Variants in DCDC2C observed in about 807,000 individuals in gnomAD.
The protein encoded by DCDC2C is doublecortin domain containing 2C.
Under a neutral mutation model 45.0 loss-of-function variants are expected in DCDC2C, and 44 were observed. That is an observed-to-expected ratio of 0.98 (90% CI 0.77 to 1.26). The LOEUF is 1.26. Among genes scored for constraint, DCDC2C ranks in the 50% most tolerant of loss-of-function variants. The pLI, the probability that DCDC2C is intolerant of heterozygous loss-of-function variation, is 0.00. For missense variants in DCDC2C, 447 were observed against 468.9 expected, an observed-to-expected ratio of 0.95 and a Z score of 0.43; for synonymous variants, 187 against 178.8, an observed-to-expected ratio of 1.05 and a Z score of -0.37.
rs1671605971 is a variant in DCDC2C, at chr2:3,818,390, G to A, written c.1066-28764G>A. On this transcript the variant is annotated intron_variant, in intron 10 of 10. Transcript: ENST00000399143. This position sits in a 1 kb window ranked among gnomAD's most constrained non-coding sequence, Gnocchi z 4.7. ...GAAAGCATATTTGAGATCCTGAACA[G>A]AATAATGGGTTATGGAGGGGTTGTG... Among the ~76,000 whole-genome samples the A allele has an allele frequency of 6.6e-6, 1 of 152,124 alleles. No individual in the cohort carries two copies. Among genetic ancestry groups the A allele is most frequent in the Non-Finnish European group, 1.5e-5 (1 of 68,028 alleles).
Position 3,727,047 on chromosome 2 carries a change from G to A in DCDC2C, c.384G>A (p.Trp128Ter), listed in dbSNP as rs139092416. 5.0e-4 allele frequency: 776 copies of A among 1,550,320 alleles called. 3 individuals are homozygous for A. The African/African-American group carries it at 9.9e-3, about 20-fold the overall frequency. Residue 128 changes from tryptophan to a stop codon, truncating the protein, a stop_gained, in exon 3 of 11, where the codon TGG becomes TGA. Transcript: ENST00000399143. LOFTEE classifies it high-confidence loss of function. Reference protein sequence around the residue: ...VHCDINVPSKWQTYHRISRHI... With the variant: ...VHCDINVPSK ...GTGATATAAATGTGCCTTCCAAGTG[G>A]CAAACATATCATCGTATATCTCGAC...
intron 3 of DCDC2C, among the ~76,000 whole-genome samples, chr2:3,733,159 C>G (rs1230953130): frequency 1.3e-5 from 2 of 152,262 alleles, no homozygotes; most frequent in East Asian, 3.9e-4. Flanking sequence ...GACATATTGG[C>G]TGCTGGGCCT....
At chr2:3,798,288 G>A (rs1235820173) in intron 10 of DCDC2C, among the ~76,000 whole-genome samples, 1 of 151,752 alleles carries the variant, frequency 6.6e-6, no homozygotes, top group Admixed American at 6.6e-5. Flanking sequence ...TGGGTTTCCT[G>A]AATACAGCAC....
At chr2:3,708,474 C>G in intron 1 of DCDC2C, 75 bp from the exon 2 acceptor site, 2 of 1,185,462 alleles carry the variant, frequency 1.7e-6, no homozygotes, top group Non-Finnish European at 2.3e-6. Flanking sequence ...GAAAAGGACT[C>G]GTTTCTAAGG....
intron 9 of DCDC2C, among the ~76,000 whole-genome samples, chr2:3,784,177 G>T (rs1056875210): frequency 6.6e-6 from 1 of 152,016 alleles, no homozygotes; most frequent in Admixed American, 6.5e-5. Context: ...TCCAGATTAG[G>T]GATTTGTTTT....
intron 3 of DCDC2C, among the ~76,000 whole-genome samples, chr2:3,737,264 T>C (rs996876701): frequency 1.3e-5 from 2 of 152,198 alleles, no homozygotes; most frequent in African/African-American, 2.4e-5. Flanking sequence ...AGTTCAAATG[T>C]GGAGAACTTT....
Position 3,752,798 on chromosome 2 carries a change from C to G in DCDC2C, c.581C>G (p.Ser194Ter), listed in dbSNP as rs199703744. 7.1e-4 allele frequency: 1,096 copies of G among 1,550,438 alleles called. 19 individuals carry two copies. In the South Asian group the frequency reaches 0.012, roughly 17 times the overall value. ...ATGAATGGGCATCTTTTGGGCGACT[C>G]AAAGGATTTGCAAGACAATCACTTT... ...FTMNGHLLGD[S>*]KDLQDNHFYV... The change falls in exon 5 of 11, where the codon TCA becomes TGA. Residue 194 changes from serine (S) to a stop codon, truncating the protein, a stop_gained. Coordinates refer to ENST00000399143, the MANE Select transcript of DCDC2C (RefSeq NM_001287444.2). LOFTEE classifies it high-confidence loss of function.
chr2:3,765,375 G>A (rs1282757744), intron 6 of DCDC2C, among the ~76,000 whole-genome samples: 1 of 152,224 alleles, frequency 6.6e-6, no homozygotes, highest in Non-Finnish European at 1.5e-5. Flanking sequence ...GACCGTTGAG[G>A]TGAGGCTTGA....
intron 2 of DCDC2C, among the ~76,000 whole-genome samples, chr2:3,726,249 G>A (rs990189944): frequency 6.6e-6 from 1 of 152,066 alleles, no homozygotes; most frequent in African/African-American, 2.4e-5. Context: ...GGATGTCCTC[G>A]GTGAGCCTCA....
intron 10 of DCDC2C, among the ~76,000 whole-genome samples, chr2:3,845,221 A>G (rs1411722130): frequency 6.6e-6 from 1 of 152,196 alleles, no homozygotes; most frequent in Non-Finnish European, 1.5e-5. Flanking sequence ...ACTTACCATA[A>G]GCAGAACCGT....
chr2:3,704,187 GC>G lies in DCDC2C; in HGVS notation c.287+150del. On this transcript the variant is annotated intron_variant, in intron 1 of 10. Coordinates refer to ENST00000399143, the MANE Select transcript of DCDC2C (RefSeq NM_001287444.2). Reference sequence around the variant, plus strand: ...TTTCGGCGTGGATCCAGCGCAGCCGGCGTCGGGCCGCCCCAGGCCACGTGGT... The same window carrying G: ...TTTCGGCGTGGATCCAGCGCAGCCGGGTCGGGCCGCCCCAGGCCACGTGGT... 7.0e-6 allele frequency: 5 copies of G among 718,654 alleles called. No individual in the cohort carries two copies. In the African/African-American group the frequency reaches 9.2e-5, roughly 13 times the overall value. 44.5% of individuals were successfully genotyped at this position (718,654 alleles called of 1,614,324 possible). A position where few individuals can be genotyped will look rare whatever the true frequency, so the allele number is the denominator to read the frequency against.
intron 8 of DCDC2C, among the ~76,000 whole-genome samples, chr2:3,771,519 A>C (rs764544068): frequency 2.9e-4 from 44 of 152,218 alleles, no homozygotes; most frequent in Non-Finnish European, 5.6e-4. Context: ...GAGAAGTCCT[A>C]GAGTTAAAAT....
intron 2 of DCDC2C, among the ~76,000 whole-genome samples, chr2:3,725,125 A>G (rs993959468): frequency 5.9e-5 from 9 of 152,124 alleles, no homozygotes; most frequent in African/African-American, 2.2e-4. Flanking sequence ...CATGGTGTCT[A>G]TGCTGGGAGT....
intron 10 of DCDC2C, among the ~76,000 whole-genome samples, chr2:3,839,086 G>T (rs999663095): frequency 6.6e-6 from 1 of 152,082 alleles, no homozygotes; most frequent in Non-Finnish European, 1.5e-5. Flanking sequence ...GGGCCACAGG[G>T]GGACAGGAAA....
chr2:3,724,375 G>T (rs1034823482), intron 2 of DCDC2C, among the ~76,000 whole-genome samples: 1 of 152,172 alleles, frequency 6.6e-6, no homozygotes, highest in African/African-American at 2.4e-5. Flanking sequence ...TGCAGTGACT[G>T]TGGCTGTCTT....
chr2:3,773,419 C>T (rs371705712), intron 8 of DCDC2C, among the ~76,000 whole-genome samples: 104 of 152,274 alleles, frequency 6.8e-4, no homozygotes, highest in African/African-American at 2.1e-3. Context: ...TCTGTAGATG[C>T]GCGGGGGTGC....
chr2:3,781,354 G>A (rs1670503133), intron 9 of DCDC2C, among the ~76,000 whole-genome samples: 1 of 152,128 alleles, frequency 6.6e-6, no homozygotes, highest in Non-Finnish European at 1.5e-5. Context: ...AAAATTTTAG[G>A]CATATGATTG....
chr2:3,729,695 C>T (rs758426624), intron 3 of DCDC2C, among the ~76,000 whole-genome samples: 1 of 152,128 alleles, frequency 6.6e-6, no homozygotes, highest in African/African-American at 2.4e-5. Context: ...GTGTGGGAAA[C>T]GTGTCTGCAT....
intron 6 of DCDC2C, among the ~76,000 whole-genome samples, chr2:3,764,059 A>G (rs1669954000): frequency 6.6e-6 from 1 of 152,260 alleles, no homozygotes. Context: ...AGACTAAATT[A>G]GAATTGTAAT....
Sources: gnomAD v4.1 joint callset for allele counts (sites outside exome capture counted in the v4.1 genomes callset) on GRCh38, gnomAD v4.1.1 for gene constraint, Gnocchi (gnomAD v3.1) non-coding constraint, MANE v1.5 for transcripts, NCBI Gene and HGNC (gene_info 2026-07-23, HGNC 2026-07-21) for gene names.